The following WDR41 variants were observed in gnomAD, a reference collection of about 807,000 sequenced individuals.
The protein encoded by WDR41 is WD repeat-containing protein 41.
WDR41 carries 63 observed loss-of-function variants against 69.3 expected under a neutral mutation model. That is an observed-to-expected ratio of 0.91 (90% CI 0.74 to 1.12). WDR41 has a LOEUF of 1.12. Among genes scored for constraint, WDR41 ranks in the 50% most tolerant of loss-of-function variants. WDR41 has a pLI of 0.00. For synonymous variants in WDR41, 185 were observed against 192.1 expected, an observed-to-expected ratio of 0.96 and a Z score of 0.31; for missense variants, 543 against 534.5, an observed-to-expected ratio of 1.02 and a Z score of -0.16.
At chr5:77,574,642 CA>C in intron 1 of WDR41, among the ~76,000 whole-genome samples, 1 of 152,238 alleles carries the variant, frequency 6.6e-6, no homozygotes, top group Middle Eastern at 3.4e-3. Context: ...ATAGTATGGA[CA>C]CAGTAAAAGT....
intron 8 of WDR41, among the ~76,000 whole-genome samples, chr5:77,443,403 G>A (rs1799252252): frequency 6.6e-6 from 1 of 152,128 alleles, no homozygotes; most frequent in African/African-American, 2.4e-5. Flanking sequence ...TCTCTTAAGA[G>A]ATACAGAATT....
intron 1 of WDR41, among the ~76,000 whole-genome samples, chr5:77,562,465 C>T (rs547470494): frequency 7.9e-5 from 12 of 152,188 alleles, no homozygotes; most frequent in East Asian, 3.9e-4. Context: ...ACACAAATAC[C>T]GATAATATAT....
At chr5:77,494,579 T>C (rs189513093), upstream of WDR41, among the ~76,000 whole-genome samples, 1 of 152,292 alleles carries the variant, frequency 6.6e-6, no homozygotes, top group African/African-American at 2.4e-5. Flanking sequence ...CATTATGTTA[T>C]ATATTAATAA....
intron 5 of WDR41, among the ~76,000 whole-genome samples, chr5:77,456,452 C>A (rs1358775352): frequency 6.6e-6 from 1 of 152,138 alleles, no homozygotes; most frequent in Non-Finnish European, 1.5e-5. Context: ...TTGCTAAATC[C>A]ATTTACTAGC....
chr5:77,544,786 C>A (rs1743157137), intron 1 of WDR41, among the ~76,000 whole-genome samples: 1 of 152,046 alleles, frequency 6.6e-6, no homozygotes, highest in Non-Finnish European at 1.5e-5. Context: ...TACAAAGAAA[C>A]AATGGATTTA....
At chr5:77,467,314 G>A (rs139895984) in intron 2 of WDR41, among the ~76,000 whole-genome samples, 4 of 151,820 alleles carry the variant, frequency 2.6e-5, no homozygotes, top group Non-Finnish European at 4.4e-5. Context: ...TTTCTTTACC[G>A]ATTAGCAAAA....
Position 77,586,510 on chromosome 5 carries a change from T to C in WDR41, c.42+33969A>G, listed in dbSNP as rs557527054. On this transcript the variant is annotated intron_variant, in intron 1 of 5. Transcript: ENST00000509971. ...TTTGTACGGAAAGGGTTTCACCATG[T>C]TGCCAGGCTGGTCTTGAATTCCTAG... Among the ~76,000 whole-genome samples the C allele has an allele frequency of 3.9e-5, 6 of 152,190 alleles. No individual in the cohort carries two copies. In the South Asian group the frequency reaches 1.2e-3, roughly 32 times the overall value.
intron 1 of WDR41, among the ~76,000 whole-genome samples, chr5:77,515,334 A>G (rs1240282760): frequency 6.6e-6 from 1 of 152,178 alleles, no homozygotes; most frequent in Non-Finnish European, 1.5e-5. Flanking sequence ...CAGGGTCAGG[A>G]TCATCAATAT....
intron 8 of WDR41, among the ~76,000 whole-genome samples, chr5:77,447,533 T>A (rs553989466): frequency 6.6e-6 from 1 of 152,158 alleles, no homozygotes; most frequent in African/African-American, 2.4e-5. Context: ...CCATCAACGA[T>A]AGATTGGATA....
In WDR41 at chr5:77,436,301, T is replaced by C; in HGVS notation, c.1187A>G (p.Glu396Gly). The change falls in exon 12 of 13, where the codon GAG (glutamate) becomes GGG (glycine). Residue 396 changes from glutamate to glycine, a missense_variant. Transcript: ENST00000296679. The part of the protein sequence containing the change: ...QQENATSCSL[E>G]LIGDLIGHSS... ...GTGTCCAATCAAATCTCCAATAAGC[T>C]CCAGTGAACATGAAGTAGCATTTTC... 2 of 1,614,036 alleles carry C rather than the reference T, an allele frequency of 1.2e-6. No individual in the cohort carries two copies.
At chr5:77,603,433 A>G (rs760733848) in intron 1 of WDR41, among the ~76,000 whole-genome samples, 13 of 151,964 alleles carry the variant, frequency 8.6e-5, no homozygotes, top group Non-Finnish European at 1.5e-4. Context: ...TTTGGTTTTT[A>G]CTATTGAGCT....
chr5:77,562,724 C>T lies in WDR41; in HGVS notation c.42+57755G>A, dbSNP rs1207153142. Among the ~76,000 whole-genome samples, 5 of 152,118 alleles carry T rather than the reference C, an allele frequency of 3.3e-5. No homozygotes were observed. The East Asian group carries it at 9.6e-4, about 29-fold the overall frequency. The stretch of plus-strand genomic sequence containing the variant: ...ACTACTAAAGGGTATTCCATACATG[C>T]AGCAAAACAAAAACAAATACAGGTA... On this transcript the variant is annotated intron_variant, in intron 1 of 5. Transcript: ENST00000509971.
In WDR41 at chr5:77,438,255, G is replaced by A. The variant is rs1299558606; in HGVS notation, c.989C>T (p.Ala330Val). 6.2e-7 allele frequency: 1 copy of A among 1,613,988 alleles called. No individual in the cohort carries two copies. The highest frequency in any genetic ancestry group is 8.5e-7 in the Non-Finnish European group (1 of 1,179,872). The stretch of plus-strand genomic sequence containing the variant: ...GAACTTGTACCTGTTTGGAAGTCTG[G>A]CAACGTGCAGGACATTGGAGTCATG... ...TAHDSNVLHV[A>V]RLPNRQLISC... Residue 330 changes from alanine (A) to valine (V), a missense_variant, in exon 10 of 13, where the codon GCC becomes GTC. Transcript: ENST00000296679.
intron 2 of WDR41, among the ~76,000 whole-genome samples, chr5:77,471,794 C>G (rs1800628155): frequency 6.6e-6 from 1 of 151,822 alleles, no homozygotes; most frequent in African/African-American, 2.4e-5. Context: ...AATAGCTTAC[C>G]AACCAAAAAA....
intron 7 of WDR41, among the ~76,000 whole-genome samples, chr5:77,450,997 T>C (rs1021235711): frequency 6.6e-6 from 1 of 152,168 alleles, no homozygotes; most frequent in Admixed American, 6.5e-5. Flanking sequence ...ATTGAACTTA[T>C]GGGAAATTCT....
At position 77,587,179 on chromosome 5, in the gene WDR41, C is replaced by T. The variant is rs141921071; in HGVS notation, c.42+33300G>A. ...TTTTGTTACCTTAGATTACTTATGCCTGCTCCTGAAGTTTATATAAATGAT... is the reference window on the plus strand; with the variant it reads ...TTTTGTTACCTTAGATTACTTATGCTTGCTCCTGAAGTTTATATAAATGAT... On this transcript the variant is annotated intron_variant, in intron 1 of 5. Transcript: ENST00000509971. Among the ~76,000 whole-genome samples the T allele has an allele frequency of 2.1e-3, 321 of 151,604 alleles. 2 individuals carry two copies. The highest frequency in any genetic ancestry group is 7.6e-3 in the African/African-American group (312 of 41,262).
At chr5:77,575,015 A>G (rs1323053789) in intron 1 of WDR41, among the ~76,000 whole-genome samples, 1 of 152,204 alleles carries the variant, frequency 6.6e-6, no homozygotes, top group Non-Finnish European at 1.5e-5. Flanking sequence ...AAAAGCCTCT[A>G]TCCATGGGAG....
chr5:77,438,265 G>T lies in WDR41; in HGVS notation c.979C>A (p.Leu327Met), dbSNP rs763254910. Residue 327 changes from leucine (L) to methionine (M), a missense_variant, in exon 10 of 13, where the codon CTG becomes ATG. Coordinates refer to ENST00000296679, the MANE Select transcript of WDR41 (RefSeq NM_018268.4). Reference sequence around the variant, plus strand: ...CTGTTTGGAAGTCTGGCAACGTGCAGGACATTGGAGTCATGTGCAGTTTTC... The same window carrying T: ...CTGTTTGGAAGTCTGGCAACGTGCATGACATTGGAGTCATGTGCAGTTTTC... Reference protein sequence around the residue: ...CQKTAHDSNVLHVARLPNRQL... With the variant: ...CQKTAHDSNVMHVARLPNRQL... 1 of 1,614,054 alleles carries T rather than the reference G, an allele frequency of 6.2e-7. No homozygotes were observed. The highest frequency in any genetic ancestry group is 8.5e-7 in the Non-Finnish European group (1 of 1,179,902).
At chr5:77,489,607 A>T (rs369698375) in intron 1 of WDR41, 35 bp from the exon 2 acceptor site, 1 of 1,268,094 alleles carries the variant, frequency 7.9e-7, no homozygotes, top group Non-Finnish European at 1.1e-6. Flanking sequence ...CAAAAAACAA[A>T]AGACAAAAAA....
Sources: gnomAD v4.1 joint callset for allele counts (sites outside exome capture counted in the v4.1 genomes callset) on GRCh38, gnomAD v4.1.1 for gene constraint, MANE v1.5 for transcripts, NCBI Gene and HGNC (gene_info 2026-07-23, HGNC 2026-07-21) for gene names.